The following SGCD variants were observed in gnomAD, a reference collection of about 807,000 sequenced individuals.
SGCD encodes delta-sarcoglycan.
A neutral mutation model predicts 36.6 loss-of-function variants in SGCD; 18 were observed. The observed-to-expected ratio is 0.49, with a 90% CI of 0.34 to 0.73. The LOEUF (loss-of-function observed/expected upper bound fraction) is 0.73, where lower values mean the gene tolerates loss of function less well. Among genes scored for constraint, SGCD ranks in the 30% least tolerant of loss-of-function variants. The pLI, the probability that SGCD is intolerant of heterozygous loss-of-function variation, is 0.01. For synonymous variants in SGCD, 133 were observed against 130.6 expected (o/e 1.02, Z -0.12); for missense variants, 387 against 346.7 (o/e 1.12, Z -0.92).
chr5:156,718,587 C>A (rs1333213050), intron 7 of SGCD, among the ~76,000 whole-genome samples: 1 of 151,880 alleles, frequency 6.6e-6, no homozygotes, highest in Non-Finnish European at 1.5e-5. Flanking sequence ...TGAGACCAGC[C>A]TGGGCAACAT....
At chr5:156,404,768 A>G (rs1772325920) in intron 3 of SGCD, among the ~76,000 whole-genome samples, 1 of 152,240 alleles carries the variant, frequency 6.6e-6, no homozygotes, top group Admixed American at 6.5e-5. Context: ...TATATCCTTT[A>G]AAATATTTTG....
intron 3 of SGCD, among the ~76,000 whole-genome samples, chr5:156,491,097 T>TA (rs1755917698): frequency 6.6e-6 from 1 of 151,442 alleles, no homozygotes; most frequent in Non-Finnish European, 1.5e-5. Flanking sequence ...TTGCTACCAA[T>TA]AAAAAATGAA....
At chr5:156,505,017 G>A (rs557023632) in intron 3 of SGCD, among the ~76,000 whole-genome samples, 113 of 152,288 alleles carry the variant, frequency 7.4e-4, no homozygotes, top group Middle Eastern at 3.4e-3. Context: ...ATGAAGCAGC[G>A]CAGTCAGTTT....
chr5:156,089,637 G>C (rs1030664674), intron 1 of SGCD, among the ~76,000 whole-genome samples: 5 of 152,178 alleles, frequency 3.3e-5, no homozygotes, highest in Admixed American at 6.5e-5. Flanking sequence ...AGTGAGACTT[G>C]AGTGAAGTAA....
chr5:156,138,189 C>T (rs138586789), intron 3 of SGCD, among the ~76,000 whole-genome samples: 3,098 of 152,202 alleles, frequency 0.02, 45 homozygotes, highest in Non-Finnish European at 0.034. Flanking sequence ...TCACTTGAGA[C>T]AGGAGTTCAA....
intron 2 of SGCD, among the ~76,000 whole-genome samples, chr5:156,334,615 T>TTTTC (rs1768240398): frequency 6.7e-6 from 1 of 149,460 alleles, no homozygotes; most frequent in Non-Finnish European, 1.5e-5. Flanking sequence ...TTTTCTTTTT[T>TTTTC]TTTTTTTTTT....
intron 1 of SGCD, among the ~76,000 whole-genome samples, chr5:155,913,939 C>A (rs1013653140): frequency 3.3e-5 from 5 of 152,094 alleles, no homozygotes; most frequent in African/African-American, 1.2e-4. Flanking sequence ...AATCTAAACC[C>A]AAAGGTGATG....
chr5:155,939,681 C>T (rs184196916), intron 1 of SGCD, among the ~76,000 whole-genome samples: 11 of 150,986 alleles, frequency 7.3e-5, no homozygotes, highest in African/African-American at 1.9e-4. Context: ...AAAAAAATCT[C>T]ATGCCCTGCA....
In SGCD at chr5:156,082,350, C is replaced by A. The variant is rs143543396; in HGVS notation, c.-281-35528C>A. Among the ~76,000 whole-genome samples, 1,483 of 151,978 alleles carry A rather than the reference C, an allele frequency of 9.8e-3. 12 individuals carry two copies. The highest frequency in any genetic ancestry group is 0.015 in the Non-Finnish European group (1,030 of 67,948). ...TTCCTCAGTTCTGTATGTCAAAGTG[C>A]CATATTTTGGAGTATCTGTTTCTGA... is the stretch of plus-strand genomic sequence containing the variant. On this transcript the variant is annotated intron_variant, in intron 1 of 9. Transcript: ENST00000517913.
At chr5:155,838,154 A>C in the SGCD span, among the ~76,000 whole-genome samples, 2 of 152,208 alleles carry the variant, frequency 1.3e-5, no homozygotes, top group African/African-American at 4.8e-5. Context: ...AAAGATAAGC[A>C]CTTTTAGTAA....
At chr5:156,448,012 C>T (rs1753821428) in intron 3 of SGCD, among the ~76,000 whole-genome samples, 1 of 152,102 alleles carries the variant, frequency 6.6e-6, no homozygotes, top group African/African-American at 2.4e-5. Flanking sequence ...GTGTTCAAAC[C>T]TGGGAGACAG....
chr5:156,555,200 GC>G (rs1411067734), intron 4 of SGCD, among the ~76,000 whole-genome samples: 2 of 152,020 alleles, frequency 1.3e-5, no homozygotes, highest in Non-Finnish European at 2.9e-5. Flanking sequence ...AGTGTCTTTT[GC>G]CCTGAAGTGT....
At chr5:156,476,576 G>T (rs1755190587) in intron 3 of SGCD, among the ~76,000 whole-genome samples, 1 of 152,202 alleles carries the variant, frequency 6.6e-6, no homozygotes. Context: ...TCAGGGCATA[G>T]AAGAATTATA....
chr5:156,455,836 G>C (rs1754233190), intron 3 of SGCD, among the ~76,000 whole-genome samples: 1 of 152,064 alleles, frequency 6.6e-6, no homozygotes, highest in African/African-American at 2.4e-5. Flanking sequence ...CAATATGACT[G>C]GTGTCATTAT....
At chr5:156,140,601 C>T (rs997517429) in intron 3 of SGCD, among the ~76,000 whole-genome samples, 6 of 151,964 alleles carry the variant, frequency 3.9e-5, no homozygotes, top group African/African-American at 7.3e-5. Flanking sequence ...TATCTCTAGG[C>T]GGAGTGTTTA....
At chr5:155,761,923 C>T in the SGCD span, among the ~76,000 whole-genome samples, 1 of 152,260 alleles carries the variant, frequency 6.6e-6, no homozygotes, top group East Asian at 1.9e-4. Flanking sequence ...ATTTTTGAGC[C>T]CTGACTATAT....
At chr5:155,745,729 G>C in the SGCD span, among the ~76,000 whole-genome samples, 1 of 151,994 alleles carries the variant, frequency 6.6e-6, no homozygotes, top group Non-Finnish European at 1.5e-5. Flanking sequence ...CTAAGAAAAG[G>C]AAAAACATGA....
At chr5:156,674,187 C>T (rs1315023440) in intron 7 of SGCD, among the ~76,000 whole-genome samples, 1 of 152,150 alleles carries the variant, frequency 6.6e-6, no homozygotes, top group Non-Finnish European at 1.5e-5. Flanking sequence ...TTGGACATGG[C>T]CCACTTTTGG....
intron 1 of SGCD, among the ~76,000 whole-genome samples, chr5:156,074,226 A>G (rs1314919868): frequency 6.6e-6 from 1 of 152,180 alleles, no homozygotes; most frequent in Non-Finnish European, 1.5e-5. Flanking sequence ...CCAGTGCAGT[A>G]TGCACAGAAG....
Sources: allele counts gnomAD v4.1 joint callset (sites outside exome capture counted in the v4.1 genomes callset), GRCh38; gene constraint gnomAD v4.1.1; transcripts MANE v1.5; gene names NCBI Gene and HGNC (gene_info 2026-07-23, HGNC 2026-07-21).